The following PCDHGA6 variants were observed in gnomAD, a reference collection of about 807,000 sequenced individuals.
PCDHGA6 encodes protocadherin gamma subfamily A, 6.
PCDHGA6 carries 41 observed loss-of-function variants against 60.6 expected under a neutral mutation model. That is an observed-to-expected ratio of 0.68 (90% CI 0.53 to 0.88). The LOEUF is 0.88. PCDHGA6 is among the 40% of genes least tolerant of loss of function. PCDHGA6 has a pLI of 0.00. For synonymous variants in PCDHGA6, 594 were observed against 524.4 expected, an observed-to-expected ratio of 1.13 and a Z score of -1.81; for missense variants, 1,312 against 1,203.0, an observed-to-expected ratio of 1.09 and a Z score of -1.34.
At chr5:141,479,975 C>A (rs1459297521) in intron 1 of PCDHGA6, among the ~76,000 whole-genome samples, 1 of 152,186 alleles carries the variant, frequency 6.6e-6, no homozygotes, top group East Asian at 1.9e-4. Context: ...TGAGGTTCTA[C>A]CATTTACCAA....
At chr5:141,437,903 A>G (rs1591482477) in intron 1 of PCDHGA6, among the ~76,000 whole-genome samples, 1 of 152,064 alleles carries the variant, frequency 6.6e-6, no homozygotes, top group East Asian at 1.9e-4. Context: ...ACACCCAGCT[A>G]ATTTTTGTAT....
At chr5:141,398,356 G>A (rs1242233046) in intron 1 of PCDHGA6, 2 of 1,409,378 alleles carry the variant, frequency 1.4e-6, no homozygotes, top group South Asian at 1.2e-5. Context: ...TTACTTCACC[G>A]TGAGCGCAGA....
intron 1 of PCDHGA6, chr5:141,411,444 T>C (rs1589800236): frequency 6.8e-6 from 1 of 147,662 alleles, no homozygotes; most frequent in African/African-American, 2.5e-5. Context: ...ATTAGCAGAG[T>C]GTGGTAGCAT....
At position 141,376,090 on chromosome 5, in the gene PCDHGA6, C is replaced by G. The variant is rs372887480; in HGVS notation, c.2007C>G (p.Pro669=). The part of the protein sequence containing the change: ...TLTVAVADRI[P]DILADLGSLE... ...CCGTGGCCGTGGCCGACAGGATCCC[C>G]GACATCCTGGCCGACCTGGGCAGCC... The change falls in exon 1 of 4, where the codon CCC becomes CCG. Residue 669 remains proline, a synonymous_variant. Coordinates refer to ENST00000517434, the MANE Select transcript of PCDHGA6 (RefSeq NM_018919.3). 107 of 1,613,674 alleles carry G rather than the reference C, an allele frequency of 6.6e-5. No homozygotes were observed. In the African/African-American group the frequency reaches 1.2e-3, roughly 18 times the overall value.
At chr5:141,421,979 G>A in intron 1 of PCDHGA6, 1 of 1,609,702 alleles carries the variant, frequency 6.2e-7, no homozygotes, top group Non-Finnish European at 8.5e-7. Context: ...TATCGCGTGA[G>A]TGTTCCAGAA....
intron 1 of PCDHGA6, chr5:141,408,124 G>A: frequency 1.4e-6 from 2 of 1,478,862 alleles, no homozygotes; most frequent in Non-Finnish European, 1.8e-6. Context: ...CCTGTCCTGG[G>A]CCGAATGCTC....
chr5:141,389,303 G>C, intron 1 of PCDHGA6: 3 of 1,614,000 alleles, frequency 1.9e-6, no homozygotes, highest in Non-Finnish European at 2.5e-6. Flanking sequence ...CACAAGTCAG[G>C]GCTTCTGATC....
intron 1 of PCDHGA6, chr5:141,376,844 G>C (rs897403160): frequency 1.7e-5 from 4 of 242,114 alleles, no homozygotes; most frequent in Non-Finnish European, 3.2e-5. Context: ...CCGCCACCGC[G>C]CCCGGCTAAT....
intron 1 of PCDHGA6, among the ~76,000 whole-genome samples, chr5:141,456,621 G>T (rs6885794): frequency 0.55 from 83,339 of 152,038 alleles, 25,195 homozygotes; most frequent in African/African-American, 0.82. Context: ...CTGTAGATTT[G>T]CCTCTTCTTT....
Position 141,475,033 on chromosome 5 carries a change from A to G in PCDHGA6, c.2425-19774A>G, listed in dbSNP as rs1223709259. 2.0e-5 allele frequency among the ~76,000 whole-genome samples: 3 copies of G among 152,362 alleles called. No individual in the cohort carries two copies. In the East Asian group the frequency reaches 5.8e-4, roughly 29 times the overall value. ...TTAAGGCTCTTTATTCTGTGACTAA[A>G]GGCTTTGTATTTTCTAAAGATTTGT... is the stretch of plus-strand genomic sequence containing the variant. On this transcript the variant is annotated intron_variant, in intron 1 of 3. Transcript: ENST00000517434.
chr5:141,390,196 T>C (rs1416526939), intron 1 of PCDHGA6: 2 of 1,613,930 alleles, frequency 1.2e-6, no homozygotes, highest in African/African-American at 2.7e-5. Context: ...AGTGAGCAGT[T>C]GAGTTCAGGA....
At chr5:141,391,397 C>T (rs1341257748) in intron 1 of PCDHGA6, 1 of 151,598 alleles carries the variant, frequency 6.6e-6, no homozygotes, top group African/African-American at 2.4e-5. Flanking sequence ...CCTCCAGCCT[C>T]AAACTCCTGG....
intron 1 of PCDHGA6, chr5:141,421,256 G>A (rs1205670837): frequency 1.2e-6 from 2 of 1,607,696 alleles, no homozygotes; most frequent in African/African-American, 1.3e-5. Flanking sequence ...CGCGGGGACC[G>A]CAGTCGGCTG....
chr5:141,418,284 T>A (rs766608852), intron 1 of PCDHGA6: 19 of 1,613,826 alleles, frequency 1.2e-5, no homozygotes, highest in Non-Finnish European at 1.4e-5. Flanking sequence ...AACTTAGAAA[T>A]CAGTGAATCC....
rs754547223 is a variant in PCDHGA6 at position 141,511,148 on chromosome 5, AGTC to A, written c.2776_2778del (p.Ser926del). The A allele has an allele frequency of 7.4e-6, 12 of 1,614,202 alleles. No individual in the cohort carries two copies. The highest frequency in any genetic ancestry group is 1.0e-5 in the Non-Finnish European group (12 of 1,180,016). ...GCAGGTGGCAATGGCAACAAGAAGA[AGTC>A]GGGCAAGAAGGAGAAGAAGTAACAT... On this transcript the variant is annotated inframe_deletion, in exon 4 of 4. Coordinates refer to ENST00000517434, the MANE Select transcript of PCDHGA6 (RefSeq NM_018919.3).
chr5:141,496,377 G>A (rs1413938730), intron 2 of PCDHGA6, among the ~76,000 whole-genome samples: 1 of 152,114 alleles, frequency 6.6e-6, no homozygotes, highest in Non-Finnish European at 1.5e-5. Flanking sequence ...CAGGAGCTTG[G>A]GCCACCTTAC....
At chr5:141,408,605 A>G (rs1374368607) in intron 1 of PCDHGA6, 1 of 1,614,060 alleles carries the variant, frequency 6.2e-7, no homozygotes, top group South Asian at 1.1e-5. Flanking sequence ...TCAATTTGAT[A>G]AAAAGGAAAT....
At chr5:141,448,730 G>A (rs1419700194) in intron 1 of PCDHGA6, among the ~76,000 whole-genome samples, 1 of 152,072 alleles carries the variant, frequency 6.6e-6, no homozygotes, top group African/African-American at 2.4e-5. Context: ...CACGAGGTCA[G>A]GAGATCGAGA....
chr5:141,405,407 CTTTT>C (rs762612492), intron 1 of PCDHGA6: 1 of 1,581,924 alleles, frequency 6.3e-7, no homozygotes, highest in Non-Finnish European at 8.6e-7. Flanking sequence ...TCTTTCTTTT[CTTTT>C]TTTGTTTTTT....
Sources: allele counts gnomAD v4.1 joint callset (sites outside exome capture counted in the v4.1 genomes callset), GRCh38; gene constraint gnomAD v4.1.1; transcripts MANE v1.5; gene names NCBI Gene and HGNC (gene_info 2026-07-23, HGNC 2026-07-21).